DCBLD1: variants seen among roughly 807,000 people sequenced by gnomAD.
DCBLD1 encodes discoidin, CUB and LCCL domain containing 1.
In DCBLD1, 57 loss-of-function variants were observed where a neutral mutation model predicts 71.5. The observed-to-expected ratio is 0.80, with a 90% CI of 0.64 to 0.99. The LOEUF (loss-of-function observed/expected upper bound fraction) is 0.99. Among genes scored for constraint, DCBLD1 ranks in the 50% least tolerant of loss-of-function variants. The pLI is 0.00. For missense variants in DCBLD1, 891 were observed against 923.5 expected (o/e 0.96, Z 0.46); for synonymous variants, 380 against 363.8 (o/e 1.04, Z -0.51).
rs113526866 is a variant in DCBLD1 at position 117,499,987 on chromosome 6, C to T, written c.113-3780C>T. Among the ~76,000 whole-genome samples the T allele has an allele frequency of 3.2e-3, 485 of 152,318 alleles. 4 individuals are homozygous for T. The highest frequency in any genetic ancestry group is 0.011 in the African/African-American group (445 of 41,580). On this transcript the variant is annotated intron_variant, in intron 1 of 14. Transcript: ENST00000338728. Reference sequence around the variant, plus strand: ...GAGCTGAGATCGCACCACTGCACTCCAGCCTAGGCAACAAAAGCGAAAGTC... The same window carrying T: ...GAGCTGAGATCGCACCACTGCACTCTAGCCTAGGCAACAAAAGCGAAAGTC...
chr6:117,487,196 T>TATAA (rs1777118582), intron 1 of DCBLD1, among the ~76,000 whole-genome samples: 1 of 152,104 alleles, frequency 6.6e-6, no homozygotes, highest in African/African-American at 2.4e-5. Flanking sequence ...CCTACTAGAT[T>TATAA]ATAAGGTCTA....
intron 14 of DCBLD1, among the ~76,000 whole-genome samples, chr6:117,554,808 G>A (rs746165131): frequency 1.3e-5 from 2 of 151,650 alleles, no homozygotes; most frequent in African/African-American, 2.4e-5. Flanking sequence ...CAGGAGAATC[G>A]CTTGAACCTG....
chr6:117,554,318 AG>A (rs748382221), downstream of DCBLD1, among the ~76,000 whole-genome samples: 2 of 152,218 alleles, frequency 1.3e-5, no homozygotes, highest in Non-Finnish European at 2.9e-5. Flanking sequence ...GCTGGCTTTT[AG>A]GCAGAGATAG....
At chr6:117,489,554 C>T (rs1005550523) in intron 1 of DCBLD1, among the ~76,000 whole-genome samples, 1 of 152,276 alleles carries the variant, frequency 6.6e-6, no homozygotes, top group Non-Finnish European at 1.5e-5. Flanking sequence ...ATACCACCCC[C>T]CTTTTAAAAA....
At chr6:117,527,778 G>T (rs1778590137) in intron 5 of DCBLD1, among the ~76,000 whole-genome samples, 1 of 151,972 alleles carries the variant, frequency 6.6e-6, no homozygotes, top group Non-Finnish European at 1.5e-5. Flanking sequence ...AGATGGGGGT[G>T]GTCTGTCAGG....
chr6:117,562,576 GTAA>G (rs1208720873), intron 14 of DCBLD1: 1 of 201,918 alleles, frequency 5.0e-6, no homozygotes, highest in African/African-American at 2.3e-5. Flanking sequence ...AACAAAAAAA[GTAA>G]AATGTTTAGT....
chr6:117,482,694 C>A lies in DCBLD1; in HGVS notation c.-88C>A. The A allele has an allele frequency of 9.2e-7, 1 of 1,090,140 alleles. No individual in the cohort carries two copies. The highest frequency in any genetic ancestry group is 1.1e-6 in the Non-Finnish European group (1 of 898,254). 67.5% of individuals were successfully genotyped at this position (1,090,140 alleles called of 1,614,324 possible). A position where few individuals can be genotyped will look rare whatever the true frequency, so the allele number is the denominator to read the frequency against. On this transcript the variant is annotated 5_prime_UTR_variant, in exon 1 of 15. Transcript: ENST00000338728. ...GCCCCGTCCCGGCGCCGCGCTCGTC[C>A]GCAGAGGAGGCGGCCCGGCCCGGGC...
chr6:117,555,341 T>C (rs977933193), intron 14 of DCBLD1, among the ~76,000 whole-genome samples: 4 of 152,222 alleles, frequency 2.6e-5, no homozygotes, highest in Non-Finnish European at 4.4e-5. Flanking sequence ...GTCAGCAGTT[T>C]GCCTTTTTCC....
intron 1 of DCBLD1, among the ~76,000 whole-genome samples, chr6:117,503,165 G>T (rs1777719380): frequency 7.4e-6 from 1 of 135,448 alleles, no homozygotes; most frequent in African/African-American, 3.2e-5. Context: ...CAACATAGTA[G>T]ATCCTTGACA....
At chr6:117,516,379 T>C (rs960532466) in intron 2 of DCBLD1, among the ~76,000 whole-genome samples, 3 of 151,212 alleles carry the variant, frequency 2.0e-5, no homozygotes, top group Non-Finnish European at 4.4e-5. Context: ...AAAAAGAAAG[T>C]ATTAACTCAT....
chr6:117,548,210 C>G lies in DCBLD1; in HGVS notation c.1919C>G (p.Ser640Cys), dbSNP rs1320686311. 1 of 1,550,538 alleles carries G rather than the reference C, an allele frequency of 6.4e-7. No individual in the cohort carries two copies. The highest frequency in any genetic ancestry group is 8.7e-7 in the Non-Finnish European group (1 of 1,146,970). ...CACTCCCTCTCCTCGGGCGGCTTCT[C>G]CCCCGTAGCGGGTGTGGGCGCCCAG... Reference protein sequence around the residue: ...HKHSLSSGGFSPVAGVGAQDG... With the variant: ...HKHSLSSGGFCPVAGVGAQDG... Residue 640 changes from serine (S) to cysteine (C), a missense_variant, in exon 15 of 15, where the codon TCC becomes TGC. By Grantham distance (112) the Ser-to-Cys change is moderately radical (BLOSUM62 -1). Transcript: ENST00000338728.
rs1178796365 is a variant in DCBLD1 at position 117,516,124 on chromosome 6, C to T, written c.326-3692C>T. 7.2e-5 allele frequency among the ~76,000 whole-genome samples: 11 copies of T among 151,756 alleles called. 1 individual carries two copies. The highest frequency in any genetic ancestry group is 3.4e-3 in the Middle Eastern group (1 of 294). Reference sequence around the variant, plus strand: ...ATCCCAGCACTTTCGGAGGCTGAGGCGGGCAGATCACGAGGTCCGGAGATC... The same window carrying T: ...ATCCCAGCACTTTCGGAGGCTGAGGTGGGCAGATCACGAGGTCCGGAGATC... On this transcript the variant is annotated intron_variant, in intron 2 of 14. Coordinates refer to ENST00000338728, the MANE Select transcript of DCBLD1 (RefSeq NM_001366458.2).
chr6:117,560,986 G>C (rs1465507201), intron 14 of DCBLD1: 1 of 213,942 alleles, frequency 4.7e-6, no homozygotes, highest in Non-Finnish European at 9.4e-6. Context: ...CTAATTCTTA[G>C]TTCATCCCCA....
rs1372625925 is a variant in DCBLD1 at position 117,538,661 on chromosome 6, A to G, written c.802A>G (p.Arg268Gly). Residue 268 changes from arginine (R) to glycine (G), a missense_variant, in exon 8 of 15, where the codon AGA becomes GGA. Physicochemically the swap from Arg to Gly is moderately radical, Grantham distance 125 (BLOSUM62 -2). Transcript: ENST00000338728. The part of the protein sequence containing the change: ...SLSFEPDGQI[R>G]ASSSWQSVNE... ...GAGTTTTGAACCTGACGGGCAAATCAGAGCTTCTTCCTCATGGCAGTCGGT... is the reference window on the plus strand; with the variant it reads ...GAGTTTTGAACCTGACGGGCAAATCGGAGCTTCTTCCTCATGGCAGTCGGT... 1.2e-6 allele frequency: 2 copies of G among 1,614,022 alleles called. No homozygotes were observed. Among genetic ancestry groups the G allele is most frequent in the Non-Finnish European group, 8.5e-7 (1 of 1,180,038 alleles).
At chr6:117,517,128 G>C (rs747477227) in intron 2 of DCBLD1, among the ~76,000 whole-genome samples, 133 of 152,320 alleles carry the variant, frequency 8.7e-4, no homozygotes, top group Non-Finnish European at 1.7e-3. Context: ...CTATGAGCCT[G>C]TAAAATCAAA....
intron 2 of DCBLD1, among the ~76,000 whole-genome samples, chr6:117,513,464 T>C (rs1778088070): frequency 6.6e-6 from 1 of 152,174 alleles, no homozygotes; most frequent in Admixed American, 6.5e-5. Context: ...TCCCACAATA[T>C]AGGGCCGCCA....
chr6:117,500,603 A>C (rs909003063), intron 1 of DCBLD1, among the ~76,000 whole-genome samples: 2 of 152,232 alleles, frequency 1.3e-5, no homozygotes, highest in Non-Finnish European at 2.9e-5. Context: ...GCGGTGGCTC[A>C]CGCCTGTAAT....
At chr6:117,516,970 C>T (rs1020033029) in intron 2 of DCBLD1, among the ~76,000 whole-genome samples, 7 of 152,260 alleles carry the variant, frequency 4.6e-5, no homozygotes, top group African/African-American at 1.4e-4. Context: ...ATTATCATTT[C>T]GACCCTGGCC....
At chr6:117,502,570 G>C (rs1194483862) in intron 1 of DCBLD1, among the ~76,000 whole-genome samples, 2 of 152,224 alleles carry the variant, frequency 1.3e-5, no homozygotes, top group Non-Finnish European at 2.9e-5. Flanking sequence ...CTGGGGAAGA[G>C]GCTGGGAGGG....
Sources: gnomAD v4.1 joint callset for allele counts (sites outside exome capture counted in the v4.1 genomes callset) on GRCh38, gnomAD v4.1.1 for gene constraint, MANE v1.5 for transcripts, NCBI Gene and HGNC (gene_info 2026-07-23, HGNC 2026-07-21) for gene names.